The following NAV2 variants were observed in gnomAD, a reference collection of about 807,000 sequenced individuals.
NAV2 encodes the protein neuron navigator 2, also known as helicase, APC down-regulated 1.
In NAV2, 54 loss-of-function variants were observed where a neutral mutation model predicts 223.2. The observed-to-expected ratio is 0.24, with a 90% confidence interval of 0.19 to 0.30. The LOEUF is 0.30. Among genes scored for constraint, NAV2 ranks in the 10% least tolerant of loss-of-function variants. NAV2 has a pLI of 1.00. For missense variants in NAV2, 2,806 were observed against 3,147.5 expected (o/e 0.89, Z 2.60); for synonymous variants, 1,279 against 1,239.3 (o/e 1.03, Z -0.67).
chr11:19,585,310 T>A (rs1159212055), intron 1 of NAV2, among the ~76,000 whole-genome samples: 2 of 152,202 alleles, frequency 1.3e-5, no homozygotes, highest in African/African-American at 4.8e-5. Flanking sequence ...TACAGCACAC[T>A]GATGGGTCTT....
At chr11:19,967,926 G>C (rs940062966) in intron 10 of NAV2, among the ~76,000 whole-genome samples, 2 of 152,150 alleles carry the variant, frequency 1.3e-5, no homozygotes, top group Non-Finnish European at 2.9e-5. Flanking sequence ...TGCCAGCCTG[G>C]GGGTGATAGT....
At chr11:19,351,984 T>G (rs1178320203) in intron 1 of NAV2, among the ~76,000 whole-genome samples, 1 of 151,470 alleles carries the variant, frequency 6.6e-6, no homozygotes, top group Admixed American at 6.6e-5. Flanking sequence ...TGAGTGTGTG[T>G]GTGTGTGTGT....
intron 1 of NAV2, among the ~76,000 whole-genome samples, chr11:19,538,282 C>T (rs2044244365): frequency 6.6e-6 from 1 of 152,310 alleles, no homozygotes; most frequent in Non-Finnish European, 1.5e-5. Flanking sequence ...TTTGCCTCTT[C>T]CCTGAGCTGT....
chr11:19,360,376 G>A lies in NAV2; in HGVS notation c.75+9349G>A, dbSNP rs1300864675. Among the ~76,000 whole-genome samples the A allele has an allele frequency of 4.6e-5, 7 of 152,266 alleles. No homozygotes were observed. In the Middle Eastern group the frequency reaches 0.014, roughly 296 times the overall value. On this transcript the variant is annotated intron_variant, in intron 1 of 37. Transcript: ENST00000360655. ...GTAATTTTCCACCCACTGATCCCCTGTCACTCTGCCCATAGGCTATAAATC... is the reference window on the plus strand; with the variant it reads ...GTAATTTTCCACCCACTGATCCCCTATCACTCTGCCCATAGGCTATAAATC...
intron 3 of NAV2, among the ~76,000 whole-genome samples, chr11:19,844,092 C>A (rs1466343381): frequency 6.6e-6 from 1 of 152,194 alleles, no homozygotes; most frequent in African/African-American, 2.4e-5. Flanking sequence ...CCACTTCTTA[C>A]ATAGGAAAGT....
intron 1 of NAV2, among the ~76,000 whole-genome samples, chr11:19,416,691 A>G (rs536002350): frequency 1.4e-4 from 22 of 152,346 alleles, no homozygotes; most frequent in African/African-American, 5.1e-4. Flanking sequence ...ACCTGACTTC[A>G]AACTATATTA....
chr11:19,892,659 C>A, intron 6 of NAV2, 65 bp downstream of exon 6: 1 of 1,543,048 alleles, frequency 6.5e-7, no homozygotes, highest in African/African-American at 1.4e-5. Flanking sequence ...CTAGTTCCTT[C>A]GGGTGAATTG....
chr11:19,872,626 C>T (rs2062585558), intron 4 of NAV2, among the ~76,000 whole-genome samples: 1 of 152,258 alleles, frequency 6.6e-6, no homozygotes, highest in Non-Finnish European at 1.5e-5. Flanking sequence ...CCCATAGATA[C>T]ATCTCCACCC....
chr11:19,730,544 C>T (rs1385898890), intron 1 of NAV2, among the ~76,000 whole-genome samples: 8 of 152,212 alleles, frequency 5.3e-5, no homozygotes, highest in African/African-American at 1.2e-4. Context: ...AGAGGCCAGA[C>T]GCTGACTTCC....
chr11:19,863,734 A>G (rs1217889201), intron 3 of NAV2, among the ~76,000 whole-genome samples: 1 of 152,160 alleles, frequency 6.6e-6, no homozygotes, highest in African/African-American at 2.4e-5. Context: ...TAACCATAAC[A>G]GCTTGTCATC....
intron 1 of NAV2, among the ~76,000 whole-genome samples, chr11:19,547,084 T>TC (rs2044524332): frequency 6.6e-6 from 1 of 152,096 alleles, no homozygotes; most frequent in African/African-American, 2.4e-5. Flanking sequence ...ATGGGGGTGG[T>TC]CCCTGCCTAC....
At chr11:19,373,547 T>C (rs1033680237) in intron 1 of NAV2, among the ~76,000 whole-genome samples, 6 of 152,132 alleles carry the variant, frequency 3.9e-5, no homozygotes, top group African/African-American at 1.4e-4. Flanking sequence ...CTGAAAGACC[T>C]CCTCTGATCA....
chr11:19,495,242 T>G (rs1314695845), intron 1 of NAV2, among the ~76,000 whole-genome samples: 1 of 152,224 alleles, frequency 6.6e-6, no homozygotes, highest in African/African-American at 2.4e-5. Flanking sequence ...TTTCCTTCAT[T>G]CAATTCAGCA....
chr11:19,460,133 C>T (rs1455891037), intron 1 of NAV2, among the ~76,000 whole-genome samples: 1 of 152,220 alleles, frequency 6.6e-6, no homozygotes, highest in African/African-American at 2.4e-5. Flanking sequence ...CTTTAGAGCA[C>T]TCAGCATGGT....
intron 11 of NAV2, among the ~76,000 whole-genome samples, chr11:20,014,727 C>A (rs1409100751): frequency 6.6e-6 from 1 of 152,138 alleles, no homozygotes; most frequent in Non-Finnish European, 1.5e-5. Flanking sequence ...CATGGCGAAA[C>A]CCTCTCTCTA....
At chr11:19,899,809 G>A (rs2625340) in intron 6 of NAV2, among the ~76,000 whole-genome samples, 84,241 of 151,982 alleles carry the variant, frequency 0.55, 24,719 homozygotes, top group African/African-American at 0.77. Flanking sequence ...GACTTGTCCT[G>A]CCCTTCCTGA....
At chr11:19,954,314 G>T (rs1376382490) in intron 10 of NAV2, among the ~76,000 whole-genome samples, 1 of 152,132 alleles carries the variant, frequency 6.6e-6, no homozygotes, top group Non-Finnish European at 1.5e-5. Context: ...TTCCCTCCTT[G>T]GTGGCAGGAA....
intron 7 of NAV2, among the ~76,000 whole-genome samples, chr11:19,937,866 G>C (rs1321823638): frequency 6.6e-6 from 1 of 152,182 alleles, no homozygotes; most frequent in Non-Finnish European, 1.5e-5. Flanking sequence ...GGAGAATAAG[G>C]AGAGTGCTAT....
At chr11:20,096,671 T>G (rs1375864592) in intron 30 of NAV2, among the ~76,000 whole-genome samples, 2 of 152,190 alleles carry the variant, frequency 1.3e-5, no homozygotes, top group Non-Finnish European at 2.9e-5. Context: ...ATAATTACTT[T>G]TGCAACAACC....
Sources: allele counts gnomAD v4.1 joint callset (sites outside exome capture counted in the v4.1 genomes callset), GRCh38; gene constraint gnomAD v4.1.1; transcripts MANE v1.5; gene names NCBI Gene and HGNC (gene_info 2026-07-23, HGNC 2026-07-21).